Variants in NKAIN3 observed in about 807,000 individuals in gnomAD.
NKAIN3 encodes the protein sodium/potassium-transporting ATPase subunit beta-1-interacting protein 3.
In NKAIN3, 25 loss-of-function variants were observed where a neutral mutation model predicts 30.2. The observed-to-expected ratio is 0.83, with a 90% CI of 0.60 to 1.16. The LOEUF is 1.16. Among genes scored for constraint, NKAIN3 ranks in the 50% most tolerant of loss-of-function variants. NKAIN3 has a pLI of 0.00. For missense variants in NKAIN3, 225 were observed against 254.1 expected, an observed-to-expected ratio of 0.89 and a Z score of 0.78; for synonymous variants, 91 against 89.6, an observed-to-expected ratio of 1.02 and a Z score of -0.09.
chr8:62,417,682 T>G (rs1256259124), intron 1 of NKAIN3, among the ~76,000 whole-genome samples: 1 of 152,230 alleles, frequency 6.6e-6, no homozygotes, highest in Non-Finnish European at 1.5e-5. Flanking sequence ...GGAGAGATGA[T>G]ATCTCATTGT....
chr8:62,329,158 C>T (rs1815250217), intron 1 of NKAIN3, among the ~76,000 whole-genome samples: 1 of 152,014 alleles, frequency 6.6e-6, no homozygotes, highest in Admixed American at 6.6e-5. Context: ...TGCTGACACT[C>T]TAATTGCAGC....
At chr8:62,348,195 A>G (rs1478514359) in intron 1 of NKAIN3, among the ~76,000 whole-genome samples, 2 of 152,166 alleles carry the variant, frequency 1.3e-5, no homozygotes, top group African/African-American at 2.4e-5. Flanking sequence ...TAAATAGAGG[A>G]CATAAGAAAT....
chr8:62,548,278 T>C (rs886830592), intron 1 of NKAIN3, among the ~76,000 whole-genome samples: 2 of 152,234 alleles, frequency 1.3e-5, no homozygotes, highest in African/African-American at 2.4e-5. Flanking sequence ...TATTTTAATG[T>C]TTGAAACATA....
At chr8:62,698,124 GA>G (rs938159131) in intron 3 of NKAIN3, among the ~76,000 whole-genome samples, 1 of 151,696 alleles carries the variant, frequency 6.6e-6, no homozygotes, top group African/African-American at 2.4e-5. Context: ...CTGGGAAATA[GA>G]AAAAAAAGAT....
chr8:62,450,973 T>TC lies in NKAIN3; in HGVS notation c.55-128563dup, dbSNP rs1196117417. Reference sequence around the variant, plus strand: ...GTGCAGTGAAAGGTAGAGTGATTTTTCCCAAAAGGTCATACAGGTAGTACT... The same window carrying TC: ...GTGCAGTGAAAGGTAGAGTGATTTTTCCCCAAAAGGTCATACAGGTAGTACT... On this transcript the variant is annotated intron_variant, in intron 1 of 6. Coordinates refer to ENST00000623646, the MANE Select transcript of NKAIN3 (RefSeq NM_001304533.3). Among the ~76,000 whole-genome samples the TC allele has an allele frequency of 5.9e-5, 9 of 152,290 alleles. No homozygotes were observed. In the East Asian group the frequency reaches 1.7e-3, roughly 29 times the overall value.
At chr8:62,252,359 T>C (rs1430244727) in intron 1 of NKAIN3, among the ~76,000 whole-genome samples, 2 of 152,246 alleles carry the variant, frequency 1.3e-5, no homozygotes, top group African/African-American at 4.8e-5. Context: ...TAAAAGCTTT[T>C]CGTTATCTTA....
intron 4 of NKAIN3, among the ~76,000 whole-genome samples, chr8:62,876,613 C>T (rs1820800224): frequency 6.6e-6 from 1 of 152,130 alleles, no homozygotes; most frequent in South Asian, 2.1e-4. Flanking sequence ...TAAATATACA[C>T]CATAGAATGC....
intron 3 of NKAIN3, among the ~76,000 whole-genome samples, chr8:62,661,002 A>G (rs887480649): frequency 1.3e-5 from 2 of 152,242 alleles, no homozygotes; most frequent in African/African-American, 4.8e-5. Context: ...AGGGGTTGAT[A>G]CACATGAAGT....
intron 1 of NKAIN3, among the ~76,000 whole-genome samples, chr8:62,415,022 G>A (rs540131489): frequency 1.4e-4 from 18 of 127,178 alleles, no homozygotes; most frequent in Non-Finnish European, 2.3e-4. Flanking sequence ...CTGTGAATTG[G>A]GAATTAATTA....
chr8:62,660,101 A>C (rs1023054322), intron 3 of NKAIN3, among the ~76,000 whole-genome samples: 3 of 152,180 alleles, frequency 2.0e-5, no homozygotes, highest in African/African-American at 7.2e-5. Flanking sequence ...TATCTGACCT[A>C]GAGCCACTCC....
rs550893203 is a variant in NKAIN3, at chr8:62,329,307, A to C, written c.54+80180A>C. ...CTTTTCTATACAGCAATCATTAATT[A>C]ATACAGAGATACATGCATGAACAAG... On this transcript the variant is annotated intron_variant, in intron 1 of 6. Transcript: ENST00000623646. 8.5e-5 allele frequency among the ~76,000 whole-genome samples: 13 copies of C among 152,248 alleles called. No individual in the cohort carries two copies. The South Asian group carries it at 2.7e-3, about 32-fold the overall frequency.
chr8:62,926,788 C>T (rs969804357), intron 5 of NKAIN3, among the ~76,000 whole-genome samples: 2 of 152,162 alleles, frequency 1.3e-5, no homozygotes, highest in Non-Finnish European at 2.9e-5. Context: ...CTCTATCTGT[C>T]AGATCTGTCT....
intron 4 of NKAIN3, among the ~76,000 whole-genome samples, chr8:62,825,520 A>G (rs965519274): frequency 2.6e-5 from 4 of 152,200 alleles, no homozygotes; most frequent in Non-Finnish European, 5.9e-5. Context: ...TGGCTTTGAC[A>G]ATTTGTGTAT....
At chr8:62,258,165 A>C (rs1395259805) in intron 1 of NKAIN3, among the ~76,000 whole-genome samples, 2 of 147,938 alleles carry the variant, frequency 1.4e-5, no homozygotes, top group African/African-American at 5.3e-5. Context: ...TGTATGCTTA[A>C]AAAATGAGCC....
chr8:62,567,840 G>A (rs1809806815), intron 1 of NKAIN3, among the ~76,000 whole-genome samples: 1 of 152,054 alleles, frequency 6.6e-6, no homozygotes, highest in African/African-American at 2.4e-5. Flanking sequence ...ATATTATAAA[G>A]TAAAAAGATT....
intron 1 of NKAIN3, among the ~76,000 whole-genome samples, chr8:62,554,231 CAG>C: frequency 6.6e-6 from 1 of 152,128 alleles, no homozygotes; most frequent in East Asian, 1.9e-4. Flanking sequence ...CTGTAAACAT[CAG>C]ATTTTTATTT....
rs764142512 is a variant in NKAIN3, at chr8:62,249,147, CT to C, written c.54+21del. On this transcript the variant is annotated intron_variant, in intron 1 of 6. Transcript: ENST00000623646. ...CAGTTGGTGAGTGCCCCGAGGGCCC[CT>C]GCCCCAGGACAGGTCCCTGCTCCAG... 1.3e-6 allele frequency: 2 copies of C among 1,528,016 alleles called. No homozygotes were observed. Among genetic ancestry groups the C allele is most frequent in the South Asian group, 1.2e-5 (1 of 82,830 alleles). The allele number at this position is 1,528,016 out of a possible 1,614,324, so 94.7% of individuals were successfully genotyped here. A position where few individuals can be genotyped will look rare whatever the true frequency, so the allele number is the denominator to read the frequency against.
intron 1 of NKAIN3, among the ~76,000 whole-genome samples, chr8:62,515,263 TA>T (rs1306211691): frequency 1.3e-5 from 2 of 152,220 alleles, no homozygotes; most frequent in Non-Finnish European, 2.9e-5. Flanking sequence ...TTTTAAAATT[TA>T]TTTTTTAGTT....
chr8:62,740,772 T>A (rs961359361), intron 3 of NKAIN3, among the ~76,000 whole-genome samples: 1 of 152,084 alleles, frequency 6.6e-6, no homozygotes, highest in Non-Finnish European at 1.5e-5. Context: ...CTTTTTTAAT[T>A]GAAATATTTG....
Sources: gnomAD v4.1 joint callset for allele counts (sites outside exome capture counted in the v4.1 genomes callset) on GRCh38, gnomAD v4.1.1 for gene constraint, MANE v1.5 for transcripts, NCBI Gene and HGNC (gene_info 2026-07-23, HGNC 2026-07-21) for gene names.